The following MGAT5 variants were observed in gnomAD, a reference collection of about 807,000 sequenced individuals.
MGAT5 encodes alpha-1,6-mannosylglycoprotein 6-beta-N-acetylglucosaminyltransferase.
MGAT5 carries 30 observed loss-of-function variants against 94.3 expected under a neutral mutation model. The observed-to-expected ratio is 0.32, with a 90% confidence interval of 0.24 to 0.43. MGAT5 has a LOEUF of 0.43. MGAT5 is among the 20% of genes least tolerant of loss of function. The pLI is 1.00. For missense variants in MGAT5, 691 were observed against 905.5 expected (o/e 0.76, Z 3.04); for synonymous variants, 310 against 322.9 (o/e 0.96, Z 0.43).
intron 2 of MGAT5, among the ~76,000 whole-genome samples, chr2:134,303,637 T>C (rs1316218781): frequency 6.6e-6 from 1 of 152,168 alleles, no homozygotes; most frequent in Non-Finnish European, 1.5e-5. Flanking sequence ...TGCCCTGCAG[T>C]GAGCAGCAGC....
At chr2:134,186,567 G>A (rs1275357771) in intron 1 of MGAT5, among the ~76,000 whole-genome samples, 5 of 152,230 alleles carry the variant, frequency 3.3e-5, no homozygotes, top group South Asian at 2.1e-4. Context: ...GGTCAGAATC[G>A]GAGCACGTTA....
chr2:134,340,841 G>T (rs1688579754), intron 6 of MGAT5, among the ~76,000 whole-genome samples: 1 of 152,108 alleles, frequency 6.6e-6, no homozygotes, highest in Non-Finnish European at 1.5e-5. Flanking sequence ...TTTCTATGAG[G>T]CCAAGAGACA....
intron 2 of MGAT5, among the ~76,000 whole-genome samples, chr2:134,317,014 T>C (rs544123149): frequency 6.6e-6 from 1 of 152,126 alleles, no homozygotes; most frequent in South Asian, 2.1e-4. Context: ...AGGGCAGGAG[T>C]TCCTTAGGAT....
Position 134,362,275 on chromosome 2 carries a change from C to A in MGAT5, c.1247C>A (p.Pro416His). 6.2e-7 allele frequency: 1 copy of A among 1,613,418 alleles called. No homozygotes were observed. The highest frequency in any genetic ancestry group is 2.2e-5 in the East Asian group (1 of 44,882). The change falls in exon 10 of 16, where the codon CCT becomes CAT. Residue 416 changes from proline (P) to histidine (H), a missense_variant and splice_region_variant. Coordinates refer to ENST00000281923, the MANE Select transcript of MGAT5 (RefSeq NM_002410.5). ...TCCTCTCCATTTCTTTGCACACCAG[C>A]TCATACCCCAGACAACAGCTTTCTG... ...LNPQQFYTMF[P>H]HTPDNSFLGF... is the part of the protein sequence containing the mutation.
At chr2:134,380,927 A>G (rs185877119) in intron 10 of MGAT5, among the ~76,000 whole-genome samples, 9 of 152,342 alleles carry the variant, frequency 5.9e-5, no homozygotes, top group African/African-American at 2.2e-4. Flanking sequence ...AGAAGGTAAT[A>G]CACCATTAAA....
intron 1 of MGAT5, among the ~76,000 whole-genome samples, chr2:134,134,875 A>G (rs755484304): frequency 6.6e-6 from 1 of 152,262 alleles, no homozygotes; most frequent in Non-Finnish European, 1.5e-5. Context: ...CTTAGGTATA[A>G]GCAAATAATC....
At chr2:134,185,187 G>GT (rs1342336037) in intron 1 of MGAT5, among the ~76,000 whole-genome samples, 3 of 152,190 alleles carry the variant, frequency 2.0e-5, no homozygotes, top group African/African-American at 7.2e-5. Flanking sequence ...TGGATACAGT[G>GT]TACTCTGTAG....
At chr2:134,228,955 G>A (rs879702664) in intron 1 of MGAT5, among the ~76,000 whole-genome samples, 1 of 152,208 alleles carries the variant, frequency 6.6e-6, no homozygotes, top group African/African-American at 2.4e-5. Flanking sequence ...CAGTCTGAGG[G>A]ATAGTGGTTA....
At chr2:134,314,759 G>A (rs533552797) in intron 2 of MGAT5, among the ~76,000 whole-genome samples, 1 of 152,146 alleles carries the variant, frequency 6.6e-6, no homozygotes, top group Non-Finnish European at 1.5e-5. Flanking sequence ...GGAGAAGGAC[G>A]TTCCAGGGAG....
chr2:134,276,319 A>G (rs1684370725), intron 2 of MGAT5, among the ~76,000 whole-genome samples: 1 of 152,104 alleles, frequency 6.6e-6, no homozygotes, highest in African/African-American at 2.4e-5. Flanking sequence ...GGCAATGTAC[A>G]TTTTACTTCT....
chr2:134,130,194 T>C (rs1686066369), intron 1 of MGAT5, among the ~76,000 whole-genome samples: 1 of 110,454 alleles, frequency 9.1e-6, no homozygotes, highest in South Asian at 2.7e-4. Flanking sequence ...CCCGCCATGC[T>C]GGAGCCCGCC....
intron 1 of MGAT5, among the ~76,000 whole-genome samples, chr2:134,243,353 T>C (rs1013950721): frequency 6.6e-6 from 1 of 152,144 alleles, no homozygotes; most frequent in African/African-American, 2.4e-5. Context: ...CAAGAAACTC[T>C]CCTGAGAAGC....
rs771313681 is a variant in MGAT5 at position 134,318,686 on chromosome 2, G to A, written c.520G>A (p.Ala174Thr). ...CATGTGGCGTTCAGATCCCTGCTACGCAGACTATGGAGTGGATGGATCCAC... is the reference window on the plus strand; with the variant it reads ...CATGTGGCGTTCAGATCCCTGCTACACAGACTATGGAGTGGATGGATCCAC... ...KDMWRSDPCY[A>T]DYGVDGSTCS... The change falls in exon 4 of 16, where the codon GCA becomes ACA. Residue 174 changes from alanine to threonine, a missense_variant. Physicochemically the swap from Ala to Thr is moderately conservative, Grantham distance 58. Coordinates refer to ENST00000281923, the MANE Select transcript of MGAT5 (RefSeq NM_002410.5). 2.5e-5 allele frequency: 41 copies of A among 1,613,452 alleles called. No individual in the cohort carries two copies. The East Asian group carries it at 6.2e-4, about 25-fold the overall frequency.
At chr2:134,403,976 G>C (rs1015914368) in intron 11 of MGAT5, among the ~76,000 whole-genome samples, 13 of 152,214 alleles carry the variant, frequency 8.5e-5, no homozygotes, top group African/African-American at 2.7e-4. Flanking sequence ...CTGTAATGGT[G>C]CCATGGAAGT....
chr2:134,178,534 C>A (rs1558972181), intron 1 of MGAT5, among the ~76,000 whole-genome samples: 1 of 152,178 alleles, frequency 6.6e-6, no homozygotes, highest in Non-Finnish European at 1.5e-5. Context: ...CACAGGCCAG[C>A]ACTACTAGAA....
intron 1 of MGAT5, among the ~76,000 whole-genome samples, chr2:134,264,400 T>A (rs1030309480): frequency 6.6e-6 from 1 of 152,234 alleles, no homozygotes; most frequent in African/African-American, 2.4e-5. Flanking sequence ...GAACTCCTGA[T>A]ATTAATAGCT....
At position 134,162,951 on chromosome 2, in the gene MGAT5, G is replaced by C. The variant is rs374904611; in HGVS notation, c.-143+42660G>C. 5.3e-5 allele frequency among the ~76,000 whole-genome samples: 8 copies of C among 152,186 alleles called. No homozygotes were observed. In the East Asian group the frequency reaches 7.7e-4, roughly 15 times the overall value. On this transcript the variant is annotated intron_variant, in intron 1 of 16. Transcript: ENST00000409645. ...TACTGTTGGAATAATGAACTTAGGA[G>C]CATGAATAGAAACTGTATTTTCAGT...
At chr2:134,375,740 T>C (rs1019032256) in intron 10 of MGAT5, among the ~76,000 whole-genome samples, 3 of 152,216 alleles carry the variant, frequency 2.0e-5, no homozygotes, top group African/African-American at 7.2e-5. Flanking sequence ...TGAGCCCAAA[T>C]GGGCTTTAAG....
chr2:134,444,488 T>C (rs1685664949), intron 15 of MGAT5, among the ~76,000 whole-genome samples: 1 of 152,238 alleles, frequency 6.6e-6, no homozygotes, highest in Admixed American at 6.5e-5. Flanking sequence ...GAATAACTTG[T>C]TCATGCATTT....
Sources: gnomAD v4.1 joint callset for allele counts (sites outside exome capture counted in the v4.1 genomes callset) on GRCh38, gnomAD v4.1.1 for gene constraint, MANE v1.5 for transcripts, NCBI Gene and HGNC (gene_info 2026-07-23, HGNC 2026-07-21) for gene names.